B4GALT1: variants seen among roughly 807,000 people sequenced by gnomAD.
The protein encoded by B4GALT1 is beta-1,4-galactosyltransferase 1, also known as N-acetyllactosamine synthase.
In B4GALT1, 16 loss-of-function variants were observed where a neutral mutation model predicts 34.9. The ratio of observed to expected loss-of-function variants is 0.46; its 90% CI spans 0.31 to 0.70. The LOEUF is 0.70. Among genes scored for constraint, B4GALT1 ranks in the 30% least tolerant of loss-of-function variants. B4GALT1 has a pLI of 0.05. For synonymous variants in B4GALT1, 221 were observed against 218.1 expected (o/e 1.01, Z -0.12); for missense variants, 445 against 530.5 (o/e 0.84, Z 1.58).
intron 1 of B4GALT1, among the ~76,000 whole-genome samples, chr9:33,139,049 C>T (rs192920752): frequency 1.4e-4 from 22 of 152,300 alleles, no homozygotes; most frequent in Admixed American, 4.6e-4. Flanking sequence ...AGAAGCCGAT[C>T]GAGCACCAAG....
At chr9:33,178,747 C>T in the B4GALT1 span, 1 of 152,238 alleles carries the variant, frequency 6.6e-6, no homozygotes, top group Non-Finnish European at 1.5e-5. Flanking sequence ...CAACAGAAGC[C>T]TGGCAACTGC....
At chr9:33,154,190 A>C (rs959963563) in intron 1 of B4GALT1, among the ~76,000 whole-genome samples, 1 of 152,250 alleles carries the variant, frequency 6.6e-6, no homozygotes, top group African/African-American at 2.4e-5. Context: ...TGCAAGATTA[A>C]TATCTGAAAA....
intron 2 of B4GALT1, among the ~76,000 whole-genome samples, chr9:33,123,277 C>CAAAAAAAAAAAAAAAAAAAAAAAA (rs72342632): frequency 1.2e-5 from 1 of 85,708 alleles, no homozygotes. Context: ...GACACTGTCT[C>CAAAAAAAAAAAAAAAAAAAAAAAA]AAAAAAAAAA....
the B4GALT1 span, among the ~76,000 whole-genome samples, chr9:33,172,657 G>A: frequency 1.3e-5 from 2 of 152,174 alleles, no homozygotes; most frequent in Non-Finnish European, 2.9e-5. Context: ...ACGGATAGCT[G>A]GGTGCAGTGG....
chr9:33,150,054 T>C (rs1343095532), intron 1 of B4GALT1, among the ~76,000 whole-genome samples: 1 of 152,036 alleles, frequency 6.6e-6, no homozygotes, highest in East Asian at 1.9e-4. Flanking sequence ...TTATACTATG[T>C]TTATATATAT....
chr9:33,119,323 T>C (rs984853364), intron 3 of B4GALT1, among the ~76,000 whole-genome samples: 2 of 152,262 alleles, frequency 1.3e-5, no homozygotes, highest in Admixed American at 6.5e-5. Context: ...GTCGGGCATC[T>C]GGGCTGGCCA....
chr9:33,183,177 G>C, the B4GALT1 span, among the ~76,000 whole-genome samples: 2 of 152,172 alleles, frequency 1.3e-5, no homozygotes, highest in South Asian at 2.1e-4. Context: ...TCCCACCCAG[G>C]ACATGAATCA....
chr9:33,118,493 T>TAA (rs568416752), intron 3 of B4GALT1, among the ~76,000 whole-genome samples: 1 of 147,798 alleles, frequency 6.8e-6, no homozygotes, highest in Non-Finnish European at 1.5e-5. Flanking sequence ...GAGACATCTC[T>TAA]AAAAAAAAAA....
At chr9:33,157,854 T>A (rs765309621) in intron 1 of B4GALT1, among the ~76,000 whole-genome samples, 2 of 152,250 alleles carry the variant, frequency 1.3e-5, no homozygotes, top group Non-Finnish European at 2.9e-5. Flanking sequence ...CTACTACCTG[T>A]ATTTCATAAC....
rs559421274 is a variant in B4GALT1, at chr9:33,138,303, A to G, written c.413-2879T>C. On this transcript the variant is annotated intron_variant, in intron 1 of 5. Coordinates refer to ENST00000379731, the MANE Select transcript of B4GALT1 (RefSeq NM_001497.4). ...GATCTTTGGTATCCTGAGAGTGGAT[A>G]GTACAGCCACTCTCAGGGTACTGGT... is the stretch of plus-strand genomic sequence containing the variant. Among the ~76,000 whole-genome samples the G allele has an allele frequency of 5.6e-4, 85 of 152,320 alleles. 1 individual carries two copies. Among genetic ancestry groups the G allele is most frequent in the African/African-American group, 2.0e-3 (83 of 41,574 alleles).
exon 3 of B4GALT1, chr9:33,104,457 A>G: frequency 4.8e-6 from 1 of 209,598 alleles, no homozygotes. Flanking sequence ...TTCTCCACCT[A>G]AGCCCCACCT....
intron 1 of B4GALT1, among the ~76,000 whole-genome samples, chr9:33,149,881 G>C (rs572734440): frequency 3.5e-4 from 54 of 152,156 alleles, no homozygotes; most frequent in Admixed American, 2.9e-3. Context: ...CAAAGGGCTT[G>C]GGAATTATTT....
At chr9:33,119,077 G>C (rs1157254451) in intron 3 of B4GALT1, among the ~76,000 whole-genome samples, 1 of 152,064 alleles carries the variant, frequency 6.6e-6, no homozygotes, top group East Asian at 1.9e-4. Flanking sequence ...GGTCAGGCTG[G>C]TCTCGAACTC....
chr9:33,167,396 G>A (rs569935693), upstream of B4GALT1: 15 of 434,164 alleles, frequency 3.5e-5, no homozygotes, highest in South Asian at 1.5e-3. Context: ...GGCGAAGGCG[G>A]GGGCGGGGCC....
At chr9:33,116,607 G>A (rs369162316) in intron 3 of B4GALT1, among the ~76,000 whole-genome samples, 8 of 138,062 alleles carry the variant, frequency 5.8e-5, no homozygotes, top group Admixed American at 2.5e-4. Context: ...TGCAACCTCC[G>A]CCTCCCAGGT....
chr9:33,161,270 T>A (rs551636250), intron 1 of B4GALT1, among the ~76,000 whole-genome samples: 3 of 152,126 alleles, frequency 2.0e-5, no homozygotes, highest in African/African-American at 7.2e-5. Flanking sequence ...CCCTCTGTCT[T>A]CTAAGGACAA....
At position 33,135,956 on chromosome 9, in the gene B4GALT1, G is replaced by A. The variant is rs577041331; in HGVS notation, c.413-532C>T. 2.5e-4 allele frequency among the ~76,000 whole-genome samples: 37 copies of A among 149,612 alleles called. No homozygotes were observed. The South Asian group carries it at 3.2e-3, about 13-fold the overall frequency. ...GTGTGTATGCATGCATGTTGGGGAC[G>A]TCAGTGTGGAGGGAGTTAGCTTCGA... On this transcript the variant is annotated intron_variant, in intron 1 of 5. Coordinates refer to ENST00000379731, the MANE Select transcript of B4GALT1 (RefSeq NM_001497.4).
chr9:33,127,896 G>C (rs532012300), intron 2 of B4GALT1, among the ~76,000 whole-genome samples: 6 of 152,144 alleles, frequency 3.9e-5, no homozygotes, highest in African/African-American at 1.4e-4. Flanking sequence ...CAGCATTTCC[G>C]AGAGAGCCCA....
At chr9:33,172,576 A>G in the B4GALT1 span, among the ~76,000 whole-genome samples, 6 of 152,094 alleles carry the variant, frequency 3.9e-5, no homozygotes, top group Non-Finnish European at 8.8e-5. Context: ...AATTTCTGTT[A>G]GTCATTGTTT....
Sources: allele counts gnomAD v4.1 joint callset (sites outside exome capture counted in the v4.1 genomes callset), GRCh38; gene constraint gnomAD v4.1.1; transcripts MANE v1.5; gene names NCBI Gene and HGNC (gene_info 2026-07-23, HGNC 2026-07-21).